CADPS: variants seen among roughly 807,000 people sequenced by gnomAD.
CADPS encodes the protein calcium dependent secretion activator.
In CADPS, 57 loss-of-function variants were observed where a neutral mutation model predicts 167.3. The observed-to-expected ratio is 0.34, with a 90% CI of 0.28 to 0.42. The LOEUF is 0.42. CADPS is among the 20% of genes least tolerant of loss of function. CADPS has a pLI of 1.00. For missense variants in CADPS, 1,414 were observed against 1,738.1 expected, an observed-to-expected ratio of 0.81 and a Z score of 3.32; for synonymous variants, 676 against 635.3, an observed-to-expected ratio of 1.06 and a Z score of -0.96.
chr3:62,492,479 G>A, intron 19 of CADPS, 33 bp from the exon 20 acceptor site: 1 of 1,600,812 alleles, frequency 6.2e-7, no homozygotes, highest in East Asian at 2.2e-5. Context: ...AATAGACAAA[G>A]AAGTGATGAG....
intron 1 of CADPS, among the ~76,000 whole-genome samples, chr3:62,790,771 T>G (rs2092862828): frequency 6.6e-6 from 1 of 152,206 alleles, no homozygotes; most frequent in African/African-American, 2.4e-5. Flanking sequence ...CTTTGGGCAT[T>G]CATGGAAGTC....
chr3:62,495,695 A>G lies in CADPS; in HGVS notation c.2707-2030T>C, dbSNP rs1336008202. 2.0e-5 allele frequency among the ~76,000 whole-genome samples: 3 copies of G among 152,228 alleles called. No individual in the cohort carries two copies. In the East Asian group the frequency reaches 5.8e-4, roughly 29 times the overall value. On this transcript the variant is annotated intron_variant, in intron 18 of 29. Coordinates refer to ENST00000383710, the MANE Select transcript of CADPS (RefSeq NM_003716.4). ...TCTATATACCACAATACATATATAC[A>G]TATACATACGTATACATAGAGAGAG... is the stretch of plus-strand genomic sequence containing the variant.
At chr3:62,844,250 T>C (rs899658870) in intron 1 of CADPS, among the ~76,000 whole-genome samples, 5 of 152,212 alleles carry the variant, frequency 3.3e-5, no homozygotes, top group African/African-American at 1.2e-4. Context: ...GTTTACAACA[T>C]CGAGCTGACA....
chr3:62,698,598 C>G (rs1041961847), intron 3 of CADPS, among the ~76,000 whole-genome samples: 1 of 151,322 alleles, frequency 6.6e-6, no homozygotes, highest in African/African-American at 2.4e-5. Flanking sequence ...CATCATCTCC[C>G]ACATTAGTGG....
In CADPS at chr3:62,445,723, A is replaced by C. The variant is rs755116260; in HGVS notation, c.3669+42T>G. 66 of 1,408,798 alleles carry C rather than the reference A, an allele frequency of 4.7e-5. 1 individual carries two copies. Among genetic ancestry groups the C allele is most frequent in the Non-Finnish European group, 5.4e-5 (56 of 1,040,952 alleles). The allele number at this position is 1,408,798 out of a possible 1,614,324, so 87.3% of individuals were successfully genotyped here. On this transcript the variant is annotated intron_variant, in intron 27 of 29. Coordinates refer to ENST00000383710, the MANE Select transcript of CADPS (RefSeq NM_003716.4). ...CAAAAAGTAAAAATGAAAAAAAAAA[A>C]AAACAAAAAAACCCCATGAGAAACA...
At chr3:62,750,516 C>T (rs953744623) in intron 3 of CADPS, among the ~76,000 whole-genome samples, 1 of 151,920 alleles carries the variant, frequency 6.6e-6, no homozygotes, top group South Asian at 2.1e-4. Context: ...TCTTCATATC[C>T]CATTGTTTTG....
At chr3:62,441,189 T>C (rs2056247306) in intron 27 of CADPS, 1 of 152,212 alleles carries the variant, frequency 6.6e-6, no homozygotes, top group Non-Finnish European at 1.5e-5. Context: ...TTTTAGATGT[T>C]TTTTAATATC....
chr3:62,776,382 C>T (rs1368586317), intron 1 of CADPS, among the ~76,000 whole-genome samples: 2 of 152,260 alleles, frequency 1.3e-5, no homozygotes, highest in South Asian at 4.1e-4. Flanking sequence ...TGGCCGGGCA[C>T]GGTGGCTCAT....
chr3:62,846,179 C>T (rs535419067), intron 1 of CADPS, among the ~76,000 whole-genome samples: 38 of 152,000 alleles, frequency 2.5e-4, no homozygotes, highest in Non-Finnish European at 4.9e-4. Flanking sequence ...CTGTACAACC[C>T]GTGGAACTGT....
chr3:62,581,284 T>A (rs1451730364), intron 8 of CADPS, among the ~76,000 whole-genome samples: 2 of 152,154 alleles, frequency 1.3e-5, no homozygotes, highest in Non-Finnish European at 2.9e-5. Flanking sequence ...GGCATTCCCA[T>A]TTTCTGATGC....
At chr3:62,445,964 C>A (rs1352580263) in intron 26 of CADPS, among the ~76,000 whole-genome samples, 167 bp from the exon 27 acceptor site, 1 of 152,146 alleles carries the variant, frequency 6.6e-6, no homozygotes, top group Non-Finnish European at 1.5e-5. Flanking sequence ...TTTTTTCAAG[C>A]CATAGCCACT....
intron 9 of CADPS, among the ~76,000 whole-genome samples, chr3:62,565,933 CAGG>C (rs1203569618): frequency 1.3e-5 from 2 of 152,186 alleles, no homozygotes; most frequent in Non-Finnish European, 2.9e-5. Context: ...ATGTGTAGAG[CAGG>C]AGATGAATTT....
At chr3:62,770,372 T>G (rs1213541098) in intron 1 of CADPS, among the ~76,000 whole-genome samples, 1 of 152,244 alleles carries the variant, frequency 6.6e-6, no homozygotes, top group Admixed American at 6.5e-5. Context: ...AATTATAACA[T>G]GTACCCAGAA....
chr3:62,645,101 A>G lies in CADPS; in HGVS notation c.1325+621T>C, dbSNP rs189321391. On this transcript the variant is annotated intron_variant, in intron 6 of 29. Coordinates refer to ENST00000383710, the MANE Select transcript of CADPS (RefSeq NM_003716.4). ...TATGACATACAGGAAAAAATTAGAC[A>G]AAAACCCAAATATCATATGTTCTCA... 2.2e-4 allele frequency among the ~76,000 whole-genome samples: 33 copies of G among 152,304 alleles called. 1 individual carries two copies. In the South Asian group the frequency reaches 2.9e-3, roughly 13 times the overall value.
At chr3:62,596,486 C>A (rs903036195) in intron 6 of CADPS, among the ~76,000 whole-genome samples, 9 of 152,130 alleles carry the variant, frequency 5.9e-5, no homozygotes, top group Non-Finnish European at 1.3e-4. Flanking sequence ...GCATGAGCCA[C>A]CACACCTGGC....
chr3:62,731,843 G>GGAAA (rs2077947764), intron 3 of CADPS, among the ~76,000 whole-genome samples: 1 of 104,208 alleles, frequency 9.6e-6, no homozygotes, highest in African/African-American at 3.9e-5. Flanking sequence ...AAAGAAGGAA[G>GGAAA]AAAGGAAAGA....
chr3:62,620,169 C>T (rs1266107113), intron 6 of CADPS, among the ~76,000 whole-genome samples: 1 of 152,026 alleles, frequency 6.6e-6, no homozygotes, highest in South Asian at 2.1e-4. Flanking sequence ...TTAGACAGAG[C>T]CAGCTTTTCT....
intron 7 of CADPS, 125 bp downstream of exon 7, chr3:62,592,512 G>T: frequency 1.4e-6 from 1 of 702,126 alleles, no homozygotes; most frequent in East Asian, 2.5e-5. Flanking sequence ...GTGGAGTCCA[G>T]GACTTAATGT....
At chr3:62,844,464 CTG>C (rs1210919018) in intron 1 of CADPS, among the ~76,000 whole-genome samples, 1 of 152,152 alleles carries the variant, frequency 6.6e-6, no homozygotes, top group African/African-American at 2.4e-5. Flanking sequence ...GTACATTCTG[CTG>C]TTCTTTCTTC....
Sources: allele counts gnomAD v4.1 joint callset (sites outside exome capture counted in the v4.1 genomes callset), GRCh38; gene constraint gnomAD v4.1.1; transcripts MANE v1.5; gene names NCBI Gene and HGNC (gene_info 2026-07-23, HGNC 2026-07-21).